The following RAP1GAP2 variants were observed in gnomAD, a reference collection of about 807,000 sequenced individuals.
The protein encoded by RAP1GAP2 is RAP1 GTPase activating protein 2, also known as rap1 GTPase-activating protein 2.
A neutral mutation model predicts 95.0 loss-of-function variants in RAP1GAP2; 27 were observed. That is an observed-to-expected ratio of 0.28 (90% CI 0.21 to 0.39). RAP1GAP2 has a LOEUF of 0.39. RAP1GAP2 is among the 10% of genes least tolerant of loss of function. The pLI, the probability that RAP1GAP2 is intolerant of heterozygous loss-of-function variation, is 1.00. For synonymous variants in RAP1GAP2, 373 were observed against 380.9 expected (o/e 0.98, Z 0.24); for missense variants, 771 against 970.0 (o/e 0.79, Z 2.72).
At chr17:2,756,842 A>G (rs2071157731) in intron 1 of RAP1GAP2, among the ~76,000 whole-genome samples, 1 of 152,204 alleles carries the variant, frequency 6.6e-6, no homozygotes, top group African/African-American at 2.4e-5. Context: ...GCCGAGGGTC[A>G]GAGAGGGAAA....
chr17:2,954,730 A>C (rs142580984), intron 3 of RAP1GAP2, among the ~76,000 whole-genome samples: 1,750 of 152,096 alleles, frequency 0.012, 24 homozygotes, highest in Middle Eastern at 0.027. Flanking sequence ...AGTAGCTCAG[A>C]TTACAGGTAC....
At chr17:2,964,166 A>T in intron 7 of RAP1GAP2, 98 bp downstream of exon 7, 1 of 974,724 alleles carries the variant, frequency 1.0e-6, no homozygotes, top group Non-Finnish European at 1.4e-6. Flanking sequence ...GGAGAGGTTG[A>T]GGGAGGCTGT....
chr17:2,969,179 C>CTATCTA (rs1555581850), intron 8 of RAP1GAP2, among the ~76,000 whole-genome samples: 3,006 of 143,184 alleles, frequency 0.021, 102 homozygotes, highest in African/African-American at 0.069. Flanking sequence ...ATCTATCTAT[C>CTATCTA]TATATATATA....
At chr17:2,847,438 G>T (rs888355215) in intron 2 of RAP1GAP2, among the ~76,000 whole-genome samples, 1 of 152,158 alleles carries the variant, frequency 6.6e-6, no homozygotes. Context: ...CTAGTCGCCT[G>T]GAAATCTCAC....
intron 2 of RAP1GAP2, among the ~76,000 whole-genome samples, chr17:2,826,393 C>T (rs571011190): frequency 6.6e-6 from 1 of 151,664 alleles, no homozygotes; most frequent in Non-Finnish European, 1.5e-5. Context: ...GCCAGGCTCT[C>T]GAAATGGATG....
chr17:2,822,617 GTTTTTTTTTGTTTTTTTTTT>G (rs1361192152), intron 2 of RAP1GAP2, among the ~76,000 whole-genome samples: 1 of 117,744 alleles, frequency 8.5e-6, no homozygotes, highest in African/African-American at 3.4e-5. Context: ...ATAAAACCCT[GTTTTTTTTTGTTTTTTTTTT>G]TTTTTTTTTT....
chr17:3,015,601 G>A (rs1038914544), intron 17 of RAP1GAP2, among the ~76,000 whole-genome samples: 11 of 152,006 alleles, frequency 7.2e-5, no homozygotes, highest in African/African-American at 2.4e-4. Context: ...GGTGGATCAC[G>A]AGGTCAGGAG....
Position 2,867,019 on chromosome 17 carries a change from T to TTC in RAP1GAP2, c.81-38262_81-38261dup, listed in dbSNP as rs1170502585. Among the ~76,000 whole-genome samples the TTC allele has an allele frequency of 2.7e-4, 41 of 152,140 alleles. 1 individual carries two copies. The highest frequency in any genetic ancestry group is 9.9e-4 in the African/African-American group (41 of 41,528). The stretch of plus-strand genomic sequence containing the variant: ...AGGTTCGAATGATTCTTCTGCCTCA[T>TTC]TCTCCCAAGTAGCTGGGATTACAGG... On this transcript the variant is annotated intron_variant, in intron 2 of 24. Transcript: ENST00000254695. This position sits in a 1 kb window ranked among gnomAD's most constrained non-coding sequence, Gnocchi z 4.5.
At chr17:2,879,262 C>T (rs1001561409) in intron 2 of RAP1GAP2, among the ~76,000 whole-genome samples, 1 of 151,992 alleles carries the variant, frequency 6.6e-6, no homozygotes, top group African/African-American at 2.4e-5. Context: ...TTTACAGGCA[C>T]CCGCCACCAT....
chr17:2,927,302 C>G (rs985464773), intron 3 of RAP1GAP2, among the ~76,000 whole-genome samples: 2 of 151,920 alleles, frequency 1.3e-5, no homozygotes, highest in Non-Finnish European at 2.9e-5. Context: ...TACAGGCACC[C>G]GCCACCGCGC....
chr17:2,833,771 A>G (rs2071014236), intron 2 of RAP1GAP2, among the ~76,000 whole-genome samples: 1 of 151,640 alleles, frequency 6.6e-6, no homozygotes, highest in Non-Finnish European at 1.5e-5. Context: ...GTGTTTCTCT[A>G]GACTTGAGTG....
chr17:2,831,693 C>A (rs2031334039), intron 2 of RAP1GAP2, among the ~76,000 whole-genome samples: 1 of 151,922 alleles, frequency 6.6e-6, no homozygotes, highest in Admixed American at 6.6e-5. Context: ...GAGTTTGAGA[C>A]CAGCCTGGTG....
chr17:2,800,248 G>C, intron 1 of RAP1GAP2: 1 of 984,112 alleles, frequency 1.0e-6, no homozygotes, highest in Non-Finnish European at 1.2e-6. Flanking sequence ...CTGGGCCAGT[G>C]ATTTTACCTT....
At chr17:2,951,826 G>A (rs2043934835) in intron 3 of RAP1GAP2, among the ~76,000 whole-genome samples, 2 of 152,114 alleles carry the variant, frequency 1.3e-5, no homozygotes, top group African/African-American at 4.8e-5. Context: ...TTGAGGTCAG[G>A]AGTTCAAGAC....
intron 3 of RAP1GAP2, among the ~76,000 whole-genome samples, chr17:2,957,127 CAA>C (rs531735734): frequency 9.3e-5 from 7 of 75,198 alleles, no homozygotes; most frequent in Admixed American, 2.7e-4. Flanking sequence ...GACTCTGTCT[CAA>C]AAAAAAAAAA....
chr17:2,889,442 G>A (rs1295225444), intron 2 of RAP1GAP2, among the ~76,000 whole-genome samples: 3 of 152,172 alleles, frequency 2.0e-5, no homozygotes, highest in Admixed American at 6.6e-5. Flanking sequence ...GTCAGAGGTA[G>A]GCTTGGCCGG....
chr17:2,780,825 C>T (rs2068628716), intron 1 of RAP1GAP2, among the ~76,000 whole-genome samples: 1 of 152,234 alleles, frequency 6.6e-6, no homozygotes, highest in South Asian at 2.1e-4. Context: ...CCTTTTAAAG[C>T]GGGCATCTCA....
At position 2,995,417 on chromosome 17, in the gene RAP1GAP2, T is replaced by C; in HGVS notation, c.995T>C (p.Met332Thr). ...ACAACATTCCGGGACAGGGAGATCATGTTTCACGTTTCCACAAAGCTGCCA... is the reference window on the plus strand; with the variant it reads ...ACAACATTCCGGGACAGGGAGATCACGTTTCACGTTTCCACAAAGCTGCCA... ...VYTTFRDREI[M>T]FHVSTKLPFT... Residue 332 changes from methionine (M) to threonine (T), a missense_variant, in exon 13 of 25, where the codon ATG becomes ACG. Transcript: ENST00000254695. The C allele has an allele frequency of 6.2e-7, 1 of 1,613,950 alleles. No individual in the cohort carries two copies. The highest frequency in any genetic ancestry group is 8.5e-7 in the Non-Finnish European group (1 of 1,179,852).
chr17:2,796,523 C>A lies in RAP1GAP2; in HGVS notation c.-5C>A. 1 of 1,560,686 alleles carries A rather than the reference C, an allele frequency of 6.4e-7. No individual in the cohort carries two copies. Among genetic ancestry groups the A allele is most frequent in the Non-Finnish European group, 8.7e-7 (1 of 1,152,262 alleles). ...GCTGGGACCCCGGGCTCTGCAGCCA[C>A]AACCATGTTTGGCCGGAAGCGCAGT... On this transcript the variant is annotated 5_prime_UTR_variant, in exon 1 of 25. Coordinates refer to ENST00000254695, the MANE Select transcript of RAP1GAP2 (RefSeq NM_015085.5). The surrounding 1 kb of genome is among the most constrained non-coding windows in gnomAD (Gnocchi z 4.7).
Sources: allele counts gnomAD v4.1 joint callset (sites outside exome capture counted in the v4.1 genomes callset), GRCh38; gene constraint gnomAD v4.1.1; non-coding constraint Gnocchi (gnomAD v3.1); transcripts MANE v1.5; gene names NCBI Gene and HGNC (gene_info 2026-07-23, HGNC 2026-07-21).